Variants in SNX14 observed in about 807,000 individuals in gnomAD.
The protein encoded by SNX14 is sorting nexin-14.
Under a neutral mutation model 133.8 loss-of-function variants are expected in SNX14, and 93 were observed. The ratio of observed to expected loss-of-function variants is 0.70; its 90% confidence interval spans 0.59 to 0.83. The LOEUF is 0.83. SNX14 is among the 40% of genes least tolerant of loss of function. The pLI is 0.00. For missense variants in SNX14, 945 were observed against 1,094.9 expected, an observed-to-expected ratio of 0.86 and a Z score of 1.93; for synonymous variants, 368 against 365.6, an observed-to-expected ratio of 1.01 and a Z score of -0.07.
chr6:85,518,174 T>C lies in SNX14; in HGVS notation c.2108-126A>G, dbSNP rs142299081. ...GTTAAAACTGTAAAAGTATTTATGA[T>C]TGACCATTTCACACTCCATGGAAAT... On this transcript the variant is annotated intron_variant, in intron 21 of 28. Transcript: ENST00000314673. 1.4e-4 allele frequency: 104 copies of C among 730,980 alleles called. No homozygotes were observed. In the East Asian group the frequency reaches 2.6e-3, roughly 18 times the overall value. The allele number at this position is 730,980 out of a possible 1,614,324, so 45.3% of individuals were successfully genotyped here.
intron 27 of SNX14, 148 bp downstream of exon 27, chr6:85,507,816 CAAAT>C: frequency 2.3e-6 from 1 of 434,374 alleles, no homozygotes; most frequent in Non-Finnish European, 3.9e-6. Context: ...AAGAGTAACT[CAAAT>C]AAAACTTTTT....
At chr6:85,558,630 T>A (rs1790528664) in intron 6 of SNX14, among the ~76,000 whole-genome samples, 1 of 151,936 alleles carries the variant, frequency 6.6e-6, no homozygotes, top group Non-Finnish European at 1.5e-5. Context: ...CCCAGCTAGT[T>A]TTTTGTAGTT....
intron 1 of SNX14, among the ~76,000 whole-genome samples, chr6:85,582,959 G>C (rs922709872): frequency 2.0e-5 from 3 of 152,124 alleles, no homozygotes; most frequent in East Asian, 3.8e-4. Flanking sequence ...ACCTGGCAGA[G>C]ACACAACAAA....
intron 2 of SNX14, among the ~76,000 whole-genome samples, chr6:85,573,356 T>G (rs1447445832): frequency 6.6e-6 from 1 of 152,170 alleles, no homozygotes; most frequent in African/African-American, 2.4e-5. Context: ...GGCGTGTGCC[T>G]GTAATCTCAG....
chr6:85,585,072 C>G (rs1394182179), intron 1 of SNX14, among the ~76,000 whole-genome samples: 1 of 152,240 alleles, frequency 6.6e-6, no homozygotes, highest in Middle Eastern at 3.4e-3. Context: ...AGGATGAGTT[C>G]ATGTCCTTTT....
intron 18 of SNX14, among the ~76,000 whole-genome samples, 186 bp from the exon 19 acceptor site, chr6:85,530,461 A>G (rs1248751159): frequency 1.3e-5 from 2 of 152,162 alleles, no homozygotes; most frequent in Non-Finnish European, 2.9e-5. Context: ...TCTTGCCAAC[A>G]TGGTGAAATC....
At chr6:85,541,382 C>G in intron 15 of SNX14, among the ~76,000 whole-genome samples, 1 of 152,038 alleles carries the variant, frequency 6.6e-6, no homozygotes, top group Non-Finnish European at 1.5e-5. Flanking sequence ...TATTTTATGT[C>G]TACATTTTAT....
At chr6:85,517,474 TG>T (rs1775422849) in intron 23 of SNX14, 1 of 225,610 alleles carries the variant, frequency 4.4e-6, no homozygotes, top group East Asian at 9.5e-5. Flanking sequence ...TATTGAAAGT[TG>T]GTGACATATA....
intron 7 of SNX14, among the ~76,000 whole-genome samples, chr6:85,550,894 C>T (rs545627187): frequency 1.3e-5 from 2 of 152,190 alleles, no homozygotes; most frequent in South Asian, 2.1e-4. Flanking sequence ...AGCAATTCTG[C>T]CTCAGCCTCC....
chr6:85,554,845 G>T (rs750813788), intron 7 of SNX14, among the ~76,000 whole-genome samples: 4 of 151,398 alleles, frequency 2.6e-5, no homozygotes, highest in Admixed American at 1.3e-4. Flanking sequence ...TTTCAGACAG[G>T]GTCTTGCTCT....
At chr6:85,514,433 C>T in intron 24 of SNX14, 73 bp downstream of exon 24, 4 of 1,559,330 alleles carry the variant, frequency 2.6e-6, no homozygotes, top group Non-Finnish European at 3.5e-6. Context: ...TGGGGCAATA[C>T]TCAAGATCAT....
chr6:85,569,081 G>C (rs1794796515), intron 4 of SNX14, among the ~76,000 whole-genome samples: 1 of 151,770 alleles, frequency 6.6e-6, no homozygotes, highest in Non-Finnish European at 1.5e-5. Flanking sequence ...TTCTGCCTCA[G>C]CCTCCCAAGT....
chr6:85,549,805 G>C lies in SNX14; in HGVS notation c.709C>G (p.Arg237Gly). The C allele has an allele frequency of 1.2e-6, 2 of 1,613,866 alleles. No homozygotes were observed. Among genetic ancestry groups the C allele is most frequent in the Non-Finnish European group, 1.7e-6 (2 of 1,179,868 alleles). ...CTTAAATAGTGCAATTCATCTCTTC[G>C]ACTTCTCAAAGCAACATGAAGCTCT... ...GPELHVALRS[R>G]RDELHYLRKL... is the part of the protein sequence containing the mutation. The change falls in exon 8 of 29, where the codon CGA becomes GGA. Residue 237 changes from arginine to glycine, a missense_variant. Transcript: ENST00000314673.
At chr6:85,532,110 A>G (rs1460839201) in intron 18 of SNX14, among the ~76,000 whole-genome samples, 1 of 152,216 alleles carries the variant, frequency 6.6e-6, no homozygotes, top group Non-Finnish European at 1.5e-5. Flanking sequence ...TGAGCCATGA[A>G]CTATTATAAT....
intron 21 of SNX14, among the ~76,000 whole-genome samples, chr6:85,519,151 T>C (rs1213813268): frequency 1.3e-5 from 2 of 152,180 alleles, no homozygotes; most frequent in Admixed American, 1.3e-4. Flanking sequence ...AAATGCCATA[T>C]ATAACCAAAT....
rs1404271469 is a variant in SNX14 at position 85,513,799 on chromosome 6, C to A, written c.2653+1G>T. The stretch of plus-strand genomic sequence containing the variant: ...ATTAAGTTACTTCTTAAATATTACA[C>A]CTGGAATGTAATTCATCATTTCTTC... On this transcript the variant is annotated splice_donor_variant, in intron 26 of 28. Transcript: ENST00000314673. LOFTEE classifies it high-confidence loss of function. 2 of 1,597,552 alleles carry A rather than the reference C, an allele frequency of 1.3e-6. No homozygotes were observed. Among genetic ancestry groups the A allele is most frequent in the African/African-American group, 2.7e-5 (2 of 74,546 alleles).
At chr6:85,567,877 G>C (rs1267938565) in intron 4 of SNX14, 2 of 195,176 alleles carry the variant, frequency 1.0e-5, no homozygotes, top group Admixed American at 6.3e-5. Flanking sequence ...CAGCTATTTG[G>C]GGGGCTGAGG....
intron 26 of SNX14, chr6:85,508,425 T>G: frequency 3.2e-6 from 3 of 952,038 alleles, no homozygotes; most frequent in Non-Finnish European, 3.8e-6. Context: ...TGTTTGTACA[T>G]CTGTACATAC....
chr6:85,531,840 A>G (rs1301606328), intron 18 of SNX14, among the ~76,000 whole-genome samples: 4 of 152,118 alleles, frequency 2.6e-5, no homozygotes, highest in African/African-American at 9.7e-5. Flanking sequence ...CAGCCTCAGC[A>G]ACATAGTGAG....
Sources: gnomAD v4.1 joint callset for allele counts (sites outside exome capture counted in the v4.1 genomes callset) on GRCh38, gnomAD v4.1.1 for gene constraint, MANE v1.5 for transcripts, NCBI Gene and HGNC (gene_info 2026-07-23, HGNC 2026-07-21) for gene names.